Variants in USP32 observed in about 807,000 individuals in gnomAD.
The protein encoded by USP32 is ubiquitin specific peptidase 32.
A neutral mutation model predicts 204.8 loss-of-function variants in USP32; 59 were observed. That is an observed-to-expected ratio of 0.29 (90% CI 0.23 to 0.36). The LOEUF is 0.36. Among genes scored for constraint, USP32 ranks in the 10% least tolerant of loss-of-function variants. The pLI is 1.00. For synonymous variants in USP32, 517 were observed against 678.4 expected, an observed-to-expected ratio of 0.76 and a Z score of 3.70; for missense variants, 1,160 against 1,946.4, an observed-to-expected ratio of 0.60 and a Z score of 7.60.
intron 25 of USP32, 53 bp downstream of exon 25, chr17:60,206,968 T>C: frequency 6.4e-7 from 1 of 1,555,082 alleles, no homozygotes; most frequent in East Asian, 2.4e-5. Context: ...TGACAACTCT[T>C]AGACAAATAT....
At chr17:60,309,495 G>A (rs572342834) in intron 2 of USP32, among the ~76,000 whole-genome samples, 48 of 151,956 alleles carry the variant, frequency 3.2e-4, no homozygotes, top group South Asian at 2.9e-3. Context: ...ACAGTTACTC[G>A]GGAGGCTGAG....
At chr17:60,360,034 A>C (rs1192757718) in intron 1 of USP32, among the ~76,000 whole-genome samples, 3 of 151,844 alleles carry the variant, frequency 2.0e-5, no homozygotes, top group African/African-American at 7.3e-5. Flanking sequence ...CACCTGGCTA[A>C]TTTTTTTGTA....
At chr17:60,205,382 GA>G (rs1462554776) in intron 26 of USP32, 64 bp downstream of exon 26, 1 of 1,578,896 alleles carries the variant, frequency 6.3e-7, no homozygotes, top group African/African-American at 1.4e-5. Flanking sequence ...TGCAAAGACA[GA>G]AAATGACTAT....
chr17:60,290,116 TG>T (rs2087234293), intron 4 of USP32, among the ~76,000 whole-genome samples: 1 of 152,200 alleles, frequency 6.6e-6, no homozygotes, highest in African/African-American at 2.4e-5. Flanking sequence ...CACGATACAT[TG>T]CTCTCGAAAT....
chr17:60,290,429 G>A (rs753654150), intron 4 of USP32, among the ~76,000 whole-genome samples: 2 of 152,130 alleles, frequency 1.3e-5, no homozygotes, highest in East Asian at 3.9e-4. Flanking sequence ...GTTTAGAGAT[G>A]AGAGTTCCTA....
chr17:60,278,321 T>C (rs2086888081), intron 5 of USP32, among the ~76,000 whole-genome samples: 1 of 152,014 alleles, frequency 6.6e-6, no homozygotes, highest in African/African-American at 2.4e-5. Flanking sequence ...CAATTATGTT[T>C]AGAGATGAGA....
intron 4 of USP32, among the ~76,000 whole-genome samples, chr17:60,291,531 GTGTGTA>G (rs1263510085): frequency 1.0e-3 from 134 of 133,566 alleles, no homozygotes; most frequent in African/African-American, 4.1e-3. Context: ...CTCTCTCTGT[GTGTGTA>G]TGTGTGTGTG....
At chr17:60,313,151 T>C (rs2087894061) in intron 2 of USP32, among the ~76,000 whole-genome samples, 1 of 147,422 alleles carries the variant, frequency 6.8e-6, no homozygotes, top group Non-Finnish European at 1.5e-5. Context: ...CTCGGGAGGC[T>C]GAGTAAGGAG....
At chr17:60,359,033 T>C (rs942161759) in intron 1 of USP32, among the ~76,000 whole-genome samples, 2 of 152,220 alleles carry the variant, frequency 1.3e-5, no homozygotes, top group African/African-American at 4.8e-5. Context: ...AACCACATTA[T>C]GTTCACTGCT....
chr17:60,324,745 G>C (rs1038958905), intron 2 of USP32, among the ~76,000 whole-genome samples: 2 of 152,160 alleles, frequency 1.3e-5, no homozygotes, highest in Non-Finnish European at 2.9e-5. Flanking sequence ...GCTCACATCT[G>C]TAATCCCAGC....
chr17:60,243,007 C>T (rs80110102), intron 11 of USP32, among the ~76,000 whole-genome samples: 8 of 152,324 alleles, frequency 5.3e-5, no homozygotes, highest in African/African-American at 1.4e-4. Context: ...AATCCATTTA[C>T]GTACATTTTC....
chr17:60,315,705 A>G (rs2087959144), intron 2 of USP32: 1 of 152,258 alleles, frequency 6.6e-6, no homozygotes, highest in African/African-American at 2.4e-5. Flanking sequence ...TGGTATATAC[A>G]CACAGTGAAG....
At chr17:60,308,861 G>A (rs773163402) in intron 2 of USP32, among the ~76,000 whole-genome samples, 6 of 152,170 alleles carry the variant, frequency 3.9e-5, no homozygotes, top group African/African-American at 9.6e-5. Flanking sequence ...CCCAGGAGGC[G>A]GAGGTTGCAG....
intron 4 of USP32, among the ~76,000 whole-genome samples, chr17:60,289,260 G>C (rs368513005): frequency 6.6e-6 from 1 of 152,028 alleles, no homozygotes; most frequent in Non-Finnish European, 1.5e-5. Flanking sequence ...TGCCCGCCTC[G>C]GCCTCCCAAA....
chr17:60,204,621 A>C (rs1247348078), intron 26 of USP32, among the ~76,000 whole-genome samples: 2 of 152,088 alleles, frequency 1.3e-5, no homozygotes, highest in Non-Finnish European at 2.9e-5. Flanking sequence ...GGCGCATGCC[A>C]CCATGCCCAG....
rs369686734 is a variant in USP32 at position 60,210,597 on chromosome 17, G to A, written c.2424+416C>T. 6.6e-5 allele frequency among the ~76,000 whole-genome samples: 10 copies of A among 152,198 alleles called. No homozygotes were observed. In the East Asian group the frequency reaches 1.3e-3, roughly 21 times the overall value. ...GCTGAGATTACAGGCGTGAGCCCCTGCGCCCAGCCTACTTCTTTGTATTCT... is the reference window on the plus strand; with the variant it reads ...GCTGAGATTACAGGCGTGAGCCCCTACGCCCAGCCTACTTCTTTGTATTCT... On this transcript the variant is annotated intron_variant, in intron 21 of 33. Transcript: ENST00000300896.
intron 26 of USP32, among the ~76,000 whole-genome samples, chr17:60,202,857 T>C (rs1002361910): frequency 2.8e-5 from 4 of 144,846 alleles, no homozygotes; most frequent in African/African-American, 1.1e-4. Flanking sequence ...AAGTTGAGGA[T>C]GTCAAGATGA....
chr17:60,391,755 G>C (rs1186752379), intron 1 of USP32, 127 bp downstream of exon 1: 3 of 1,039,916 alleles, frequency 2.9e-6, no homozygotes, highest in Non-Finnish European at 2.7e-6. Context: ...CCCCAAGGCC[G>C]GCCGCCTTTC....
intron 5 of USP32, among the ~76,000 whole-genome samples, chr17:60,272,844 T>C (rs752141653): frequency 1.3e-5 from 2 of 152,170 alleles, no homozygotes; most frequent in Non-Finnish European, 2.9e-5. Context: ...AGGAAAGAGT[T>C]ATGCCAAGAA....
Sources: gnomAD v4.1 joint callset for allele counts (sites outside exome capture counted in the v4.1 genomes callset) on GRCh38, gnomAD v4.1.1 for gene constraint, MANE v1.5 for transcripts, NCBI Gene and HGNC (gene_info 2026-07-23, HGNC 2026-07-21) for gene names.